WWC1: variants seen among roughly 807,000 people sequenced by gnomAD.
WWC1 encodes the protein WW and C2 domain containing 1, also known as protein KIBRA.
Under a neutral mutation model 138.4 loss-of-function variants are expected in WWC1, and 55 were observed. The observed-to-expected ratio is 0.40, with a 90% CI of 0.32 to 0.50. The LOEUF is 0.50. Ranked by LOEUF, WWC1 falls within the 20% of genes least tolerant of loss-of-function variation. The pLI, the probability that WWC1 is intolerant of heterozygous loss-of-function variation, is 0.72. For synonymous variants in WWC1, 524 were observed against 564.9 expected (o/e 0.93, Z 1.03); for missense variants, 1,226 against 1,420.4 (o/e 0.86, Z 2.20).
chr5:168,365,480 A>G (rs553113080), intron 1 of WWC1, among the ~76,000 whole-genome samples: 3 of 152,224 alleles, frequency 2.0e-5, no homozygotes, highest in Non-Finnish European at 4.4e-5. Flanking sequence ...ATCACCACCC[A>G]GTATTAAACT....
At chr5:168,350,886 C>A (rs1209091311) in intron 1 of WWC1, among the ~76,000 whole-genome samples, 1 of 152,170 alleles carries the variant, frequency 6.6e-6, no homozygotes, top group African/African-American at 2.4e-5. Context: ...TGGCTCACGC[C>A]TGTAATCCCA....
intron 3 of WWC1, among the ~76,000 whole-genome samples, chr5:168,386,596 T>G (rs1383269386): frequency 1.3e-5 from 2 of 151,768 alleles, no homozygotes; most frequent in Non-Finnish European, 2.9e-5. Flanking sequence ...GGGGTTTCAC[T>G]GTGTTAGCCA....
Position 168,423,628 on chromosome 5 carries a change from C to T in WWC1, c.1370C>T (p.Ser457Phe), listed in dbSNP as rs747933520. The T allele has an allele frequency of 2.5e-6, 4 of 1,614,150 alleles. No homozygotes were observed. Among genetic ancestry groups the T allele is most frequent in the Middle Eastern group, 1.6e-4 (1 of 6,062 alleles). ...GSLVASSLDS[S>F]TSASFTDLYY... ...CTGGTTGCATCCAGCCTGGACTCCTCCACTTCAGCCAGCTTCACTGACCTC... is the reference window on the plus strand; with the variant it reads ...CTGGTTGCATCCAGCCTGGACTCCTTCACTTCAGCCAGCTTCACTGACCTC... The change falls in exon 11 of 23, where the codon TCC (serine) becomes TTC (phenylalanine). Residue 457 changes from serine (S) to phenylalanine (F), a missense_variant. Ser to Phe is a radical substitution (Grantham distance 155). Coordinates refer to ENST00000265293, the MANE Select transcript of WWC1 (RefSeq NM_015238.3).
chr5:168,373,024 G>A (rs936631993), intron 2 of WWC1, among the ~76,000 whole-genome samples: 2 of 152,248 alleles, frequency 1.3e-5, no homozygotes, highest in Non-Finnish European at 2.9e-5. Context: ...GGCATTAATT[G>A]CATTGTTGGG....
chr5:168,368,328 A>C (rs1408911592), intron 1 of WWC1, among the ~76,000 whole-genome samples: 1 of 152,174 alleles, frequency 6.6e-6, no homozygotes, highest in Non-Finnish European at 1.5e-5. Flanking sequence ...ATATTTATTG[A>C]GCACCAATTA....
chr5:168,426,646 GTC>G (rs1248584501), intron 11 of WWC1, among the ~76,000 whole-genome samples: 3 of 152,210 alleles, frequency 2.0e-5, no homozygotes, highest in Non-Finnish European at 4.4e-5. Context: ...AAAGCAGGAG[GTC>G]TCCGCGGGCT....
At chr5:168,404,452 C>G (rs1390490080) in intron 5 of WWC1, among the ~76,000 whole-genome samples, 1 of 152,218 alleles carries the variant, frequency 6.6e-6, no homozygotes, top group Non-Finnish European at 1.5e-5. Context: ...ATAAACGGGG[C>G]TTTGTTTTCT....
chr5:168,441,154 T>C (rs570561714), intron 15 of WWC1, among the ~76,000 whole-genome samples: 70 of 152,292 alleles, frequency 4.6e-4, no homozygotes, highest in African/African-American at 1.5e-3. Context: ...TTAAGTTCAA[T>C]AAGCCAGTCA....
At chr5:168,454,474 G>A (rs1451903940) in intron 18 of WWC1, among the ~76,000 whole-genome samples, 1 of 152,216 alleles carries the variant, frequency 6.6e-6, no homozygotes, top group East Asian at 1.9e-4. Flanking sequence ...CAACCTTGCA[G>A]ATAGCCTCTA....
At chr5:168,314,187 G>A (rs1455281401) in intron 1 of WWC1, among the ~76,000 whole-genome samples, 1 of 151,278 alleles carries the variant, frequency 6.6e-6, no homozygotes, top group African/African-American at 2.4e-5. Context: ...GGGAAGAAAA[G>A]GACAAGGAGG....
Position 168,455,400 on chromosome 5 carries a change from A to G in WWC1, c.2703A>G (p.Thr901=), listed in dbSNP as rs772434775. Residue 901 remains threonine (T), a synonymous_variant, in exon 19 of 23, where the codon ACA becomes ACG. Coordinates refer to ENST00000265293, the MANE Select transcript of WWC1 (RefSeq NM_015238.3). ...TNTETPAPSP[T]VVRPKDRRVG... ...CGGAGACCCCGGCCCCATCCCCCACAGTGGTGCGACCTAAGGACCGGAGAG... is the reference window on the plus strand; with the variant it reads ...CGGAGACCCCGGCCCCATCCCCCACGGTGGTGCGACCTAAGGACCGGAGAG... 2 of 1,608,344 alleles carry G rather than the reference A, an allele frequency of 1.2e-6. No individual in the cohort carries two copies. Among genetic ancestry groups the G allele is most frequent in the South Asian group, 2.2e-5 (2 of 89,882 alleles).
intron 8 of WWC1, chr5:168,410,226 A>C: frequency 2.0e-6 from 1 of 498,180 alleles, no homozygotes; most frequent in Non-Finnish European, 3.6e-6. Context: ...TTGAACCCAG[A>C]TCTGTTTAAC....
chr5:168,409,925 G>C lies in WWC1; in HGVS notation c.871G>C (p.Gly291Arg). 6.2e-7 allele frequency: 1 copy of C among 1,613,876 alleles called. No individual in the cohort carries two copies. The highest frequency in any genetic ancestry group is 8.5e-7 in the Non-Finnish European group (1 of 1,179,854). Reference protein sequence around the residue: ...SSQTDISGSFGINSNNQLAEK... With the variant: ...SSQTDISGSFRINSNNQLAEK... ...TGACTTTGTTCTTCTCCTCCAGTTC[G>C]GCATCAACAGCAACAATCAGTTGGC... is the stretch of plus-strand genomic sequence containing the variant. The change falls in exon 8 of 23, where the codon GGC becomes CGC. Residue 291 changes from glycine to arginine, a missense_variant. This residue lies in a region of WWC1 where 1,016 missense variants were observed against 1,153.9 expected (regional missense o/e 0.88). Coordinates refer to ENST00000265293, the MANE Select transcript of WWC1 (RefSeq NM_015238.3).
At chr5:168,346,676 T>C (rs1467462848) in intron 1 of WWC1, among the ~76,000 whole-genome samples, 1 of 152,220 alleles carries the variant, frequency 6.6e-6, no homozygotes, top group Non-Finnish European at 1.5e-5. Context: ...CTAGTTAGAA[T>C]TAGTTAAAAA....
At chr5:168,315,223 G>T (rs1771474463) in intron 1 of WWC1, among the ~76,000 whole-genome samples, 2 of 150,950 alleles carry the variant, frequency 1.3e-5, no homozygotes. Flanking sequence ...CTCAGAGTGT[G>T]GTCCACAGAC....
rs148015702 is a variant in WWC1 at position 168,455,490 on chromosome 5, C to G, written c.2793C>G (p.Ser931=). The G allele has an allele frequency of 4.3e-6, 7 of 1,613,130 alleles. No homozygotes were observed. In the African/African-American group the frequency reaches 6.7e-5, roughly 15 times the overall value. Residue 931 remains serine (S), a synonymous_variant, in exon 19 of 23, where the codon TCC becomes TCG. Transcript: ENST00000265293. ...CCATCATCCGCTCTAAGACCTTCTC[C>G]CCAGGACCCCAGAGCCAGTACGTGT... The part of the protein sequence containing the change: ...GSTIIRSKTF[S]PGPQSQYVCR...
At chr5:168,313,578 G>A (rs1412455214) in intron 1 of WWC1, among the ~76,000 whole-genome samples, 5 of 150,580 alleles carry the variant, frequency 3.3e-5, no homozygotes, top group Admixed American at 1.3e-4. Flanking sequence ...GTGACAGAGC[G>A]AGACTGTCTC....
intron 1 of WWC1, among the ~76,000 whole-genome samples, chr5:168,361,939 C>T (rs1302527369): frequency 2.2e-4 from 34 of 152,086 alleles, no homozygotes; most frequent in East Asian, 1.9e-4. Context: ...AAAAATTAGC[C>T]GGGCATGGTG....
chr5:168,385,136 T>C (rs1351972538), intron 2 of WWC1, 75 bp from the exon 3 acceptor site: 5 of 1,516,172 alleles, frequency 3.3e-6, no homozygotes, highest in African/African-American at 1.4e-5. Flanking sequence ...TGTTTTCTGC[T>C]AGTGGATACC....
Sources: gnomAD v4.1 joint callset for allele counts (sites outside exome capture counted in the v4.1 genomes callset) on GRCh38, gnomAD v4.1.1 for gene constraint, gnomAD v4.1.1 regional missense constraint, MANE v1.5 for transcripts, NCBI Gene and HGNC (gene_info 2026-07-23, HGNC 2026-07-21) for gene names.